ARHGAP10: variants seen among roughly 807,000 people sequenced by gnomAD.
ARHGAP10 encodes the protein rho GTPase-activating protein 10.
In ARHGAP10, 87 loss-of-function variants were observed where a neutral mutation model predicts 108.6. That is an observed-to-expected ratio of 0.80 (90% confidence interval 0.67 to 0.96). ARHGAP10 has a LOEUF of 0.96. ARHGAP10 is among the 40% of genes least tolerant of loss of function. The pLI, the probability that ARHGAP10 is intolerant of heterozygous loss-of-function variation, is 0.00. For synonymous variants in ARHGAP10, 347 were observed against 341.1 expected (o/e 1.02, Z -0.19); for missense variants, 939 against 954.5 (o/e 0.98, Z 0.21).
At chr4:147,816,878 G>A (rs1350216980) in intron 1 of ARHGAP10, among the ~76,000 whole-genome samples, 2 of 152,098 alleles carry the variant, frequency 1.3e-5, no homozygotes, top group African/African-American at 4.8e-5. Context: ...TGGCATGAAG[G>A]GTACTAAATT....
At chr4:147,749,949 C>G (rs757993118) in intron 1 of ARHGAP10, among the ~76,000 whole-genome samples, 1 of 152,252 alleles carries the variant, frequency 6.6e-6, no homozygotes, top group Admixed American at 6.5e-5. Context: ...TTAACCACAG[C>G]GAACAGTGTT....
chr4:147,884,703 TG>T (rs143111127), intron 10 of ARHGAP10, among the ~76,000 whole-genome samples: 3,375 of 152,250 alleles, frequency 0.022, 89 homozygotes, highest in African/African-American at 0.062. Context: ...GAGAGTCATG[TG>T]CCAGGTAGAG....
At chr4:147,959,519 C>A (rs946619649) in intron 16 of ARHGAP10, among the ~76,000 whole-genome samples, 6 of 151,458 alleles carry the variant, frequency 4.0e-5, no homozygotes, top group Non-Finnish European at 5.9e-5. Flanking sequence ...CCTCCCCGCT[C>A]CCCCCACCCC....
chr4:147,813,864 G>A (rs937585707), intron 1 of ARHGAP10, among the ~76,000 whole-genome samples: 7 of 152,256 alleles, frequency 4.6e-5, no homozygotes, highest in Middle Eastern at 3.4e-3. Flanking sequence ...CCCATCGAAA[G>A]GATTACTCTC....
chr4:147,878,248 A>G (rs1026460259), intron 8 of ARHGAP10, among the ~76,000 whole-genome samples: 2 of 152,104 alleles, frequency 1.3e-5, no homozygotes, highest in African/African-American at 4.8e-5. Context: ...GGCGCGTGCC[A>G]CCACGCCTGG....
At chr4:147,759,890 A>T (rs1184194150) in intron 1 of ARHGAP10, among the ~76,000 whole-genome samples, 2 of 152,162 alleles carry the variant, frequency 1.3e-5, no homozygotes, top group Non-Finnish European at 2.9e-5. Flanking sequence ...CGGGGATTAC[A>T]GGAGCCTGCC....
At chr4:147,775,826 A>G (rs891362700) in intron 1 of ARHGAP10, among the ~76,000 whole-genome samples, 4 of 152,156 alleles carry the variant, frequency 2.6e-5, no homozygotes, top group Admixed American at 6.5e-5. Context: ...TGATGATGAT[A>G]ATAATATCAC....
At chr4:147,950,884 A>G (rs903258846) in intron 15 of ARHGAP10, among the ~76,000 whole-genome samples, 2 of 152,114 alleles carry the variant, frequency 1.3e-5, no homozygotes, top group Non-Finnish European at 2.9e-5. Flanking sequence ...CCTGGAGGAA[A>G]CTTCTTTTAA....
chr4:147,994,807 C>CA (rs772383760), intron 18 of ARHGAP10, among the ~76,000 whole-genome samples: 29 of 152,074 alleles, frequency 1.9e-4, no homozygotes, highest in South Asian at 2.1e-4. Context: ...TCTGGAATGT[C>CA]ATTTATGTTT....
Position 147,801,360 on chromosome 4 carries a change from C to T in ARHGAP10, c.155-21367C>T, listed in dbSNP as rs569857725. On this transcript the variant is annotated intron_variant, in intron 1 of 22. Coordinates refer to ENST00000336498, the MANE Select transcript of ARHGAP10 (RefSeq NM_024605.4). ...GTAGCAAACTAAGTTGAAGACTTCT[C>T]TATAAGAAAAGAGAAGAGAACCATT... Among the ~76,000 whole-genome samples, 6 of 152,238 alleles carry T rather than the reference C, an allele frequency of 3.9e-5. No individual in the cohort carries two copies. The East Asian group carries it at 1.2e-3, about 29-fold the overall frequency.
At chr4:147,839,110 A>ATCTG (rs1234855230) in intron 3 of ARHGAP10, among the ~76,000 whole-genome samples, 49 of 142,496 alleles carry the variant, frequency 3.4e-4, no homozygotes, top group Middle Eastern at 3.4e-3. Flanking sequence ...CTATCTATCT[A>ATCTG]TCTATCTATC....
intron 12 of ARHGAP10, 54 bp from the exon 13 acceptor site, chr4:147,913,015 GGAAGA>G (rs1426897290): frequency 2.7e-6 from 4 of 1,475,800 alleles, no homozygotes; most frequent in East Asian, 4.6e-5. Flanking sequence ...ATTTTTAAAA[GGAAGA>G]GAAATGTGAT....
chr4:147,946,847 C>A, intron 15 of ARHGAP10, 143 bp downstream of exon 15: 1 of 545,288 alleles, frequency 1.8e-6, no homozygotes, highest in Non-Finnish European at 2.9e-6. Flanking sequence ...TCTCAGTGTC[C>A]CAGAAAGAAA....
intron 16 of ARHGAP10, among the ~76,000 whole-genome samples, chr4:147,964,208 G>A (rs781094102): frequency 1.3e-5 from 2 of 152,114 alleles, no homozygotes; most frequent in Non-Finnish European, 2.9e-5. Flanking sequence ...GCTACAGGCT[G>A]TACTCTCCTG....
intron 1 of ARHGAP10, among the ~76,000 whole-genome samples, chr4:147,793,370 A>G (rs1022083347): frequency 6.6e-6 from 1 of 151,552 alleles, no homozygotes; most frequent in African/African-American, 2.4e-5. Flanking sequence ...TCTGGAAAGA[A>G]TACCCAGGAT....
At chr4:147,733,375 C>G (rs185652659) in intron 1 of ARHGAP10, among the ~76,000 whole-genome samples, 8 of 152,234 alleles carry the variant, frequency 5.3e-5, no homozygotes, top group Admixed American at 5.2e-4. Context: ...CTGACCATCC[C>G]TTGGATCCAT....
intron 18 of ARHGAP10, among the ~76,000 whole-genome samples, chr4:147,987,014 A>G (rs1740069489): frequency 6.6e-6 from 1 of 152,264 alleles, no homozygotes. Context: ...CAGAAACAGC[A>G]GATAACGGGA....
At chr4:147,992,839 C>T (rs550556278) in intron 18 of ARHGAP10, among the ~76,000 whole-genome samples, 47 of 152,302 alleles carry the variant, frequency 3.1e-4, no homozygotes, top group African/African-American at 9.1e-4. Context: ...GCTTGTACCA[C>T]GGGACTTTCT....
chr4:147,804,177 C>T (rs1731689610), intron 1 of ARHGAP10, among the ~76,000 whole-genome samples: 1 of 151,988 alleles, frequency 6.6e-6, no homozygotes, highest in South Asian at 2.1e-4. Flanking sequence ...CAAGTAGCCC[C>T]CCAGGTCTGT....
Sources: gnomAD v4.1 joint callset for allele counts (sites outside exome capture counted in the v4.1 genomes callset) on GRCh38, gnomAD v4.1.1 for gene constraint, MANE v1.5 for transcripts, NCBI Gene and HGNC (gene_info 2026-07-23, HGNC 2026-07-21) for gene names.